Variants in JAK2 observed in about 807,000 individuals in gnomAD.
The protein encoded by JAK2 is tyrosine-protein kinase JAK2.
Under a neutral mutation model 139.3 loss-of-function variants are expected in JAK2, and 86 were observed. The ratio of observed to expected loss-of-function variants is 0.62; its 90% CI spans 0.52 to 0.74. JAK2 has a LOEUF of 0.74. Ranked by LOEUF, JAK2 falls within the 30% of genes least tolerant of loss-of-function variation. JAK2 has a pLI of 0.00. For missense variants in JAK2, 1,421 were observed against 1,360.3 expected (o/e 1.04, Z -0.70); for synonymous variants, 490 against 437.7 (o/e 1.12, Z -1.49).
chr9:5,111,370 C>G (rs1822512919), intron 22 of JAK2: 2 of 405,746 alleles, frequency 4.9e-6, no homozygotes, highest in Admixed American at 3.4e-5. Flanking sequence ...CCCTCCTACG[C>G]CAGCAGCTCT....
In JAK2 at chr9:5,072,561, G is replaced by C. The variant is rs139504737; in HGVS notation, c.1711G>C (p.Gly571Arg). 6.2e-7 allele frequency: 1 copy of C among 1,610,342 alleles called. No homozygotes were observed. The highest frequency in any genetic ancestry group is 8.5e-7 in the Non-Finnish European group (1 of 1,177,586). Residue 571 changes from glycine to arginine, a missense_variant, in exon 13 of 25, where the codon GGT (glycine) becomes CGT (arginine). Transcript: ENST00000381652. ...KGVRREVGDY[G>R]QLHETEVLLK... is the part of the protein sequence containing the mutation. ...CGTACGAAGAGAAGTAGGAGACTAC[G>C]GTCAACTGCATGAAACAGAAGTTCT...
chr9:5,114,480 C>T, intron 22 of JAK2: 1 of 465,944 alleles, frequency 2.1e-6, no homozygotes, highest in South Asian at 1.9e-5. Context: ...GATCAGCGGC[C>T]CATGTGCTCC....
chr9:4,993,996 G>A (rs1345289867), intron 2 of JAK2, among the ~76,000 whole-genome samples: 2 of 152,140 alleles, frequency 1.3e-5, no homozygotes, highest in African/African-American at 4.8e-5. Flanking sequence ...TCCTGTCTAG[G>A]GTTGGTTCCC....
chr9:5,052,015 G>C (rs1817448306), intron 6 of JAK2, among the ~76,000 whole-genome samples: 1 of 152,034 alleles, frequency 6.6e-6, no homozygotes, highest in South Asian at 2.1e-4. Context: ...TTGAATACTT[G>C]CTGTATGCCA....
intron 23 of JAK2, among the ~76,000 whole-genome samples, chr9:5,125,551 C>A (rs1464558433): frequency 1.3e-5 from 2 of 151,428 alleles, no homozygotes. Context: ...AAGTTATGAA[C>A]TATTTTAAAA....
At chr9:5,045,776 C>T (rs958218384) in intron 5 of JAK2, among the ~76,000 whole-genome samples, 10 of 152,118 alleles carry the variant, frequency 6.6e-5, no homozygotes, top group African/African-American at 2.4e-4. Flanking sequence ...GAATAATATT[C>T]CATTGCATAT....
At chr9:5,096,811 G>C (rs1821031544) in intron 22 of JAK2, 1 of 152,162 alleles carries the variant, frequency 6.6e-6, no homozygotes, top group African/African-American at 2.4e-5. Context: ...ACTCTGCTAG[G>C]AGATGACCAG....
Position 5,129,295 on chromosome 9 carries a change from A to ATTTTC in JAK2, c.*2509_*2513dup, listed in dbSNP as rs1224840404. Among the ~76,000 whole-genome samples, 1 of 151,854 alleles carries ATTTTC rather than the reference A, an allele frequency of 6.6e-6. No individual in the cohort carries two copies. Among genetic ancestry groups the ATTTTC allele is most frequent in the African/African-American group, 2.4e-5 (1 of 41,362 alleles). ...GTGATGTAGTAAATATTCAGAAGCG[A>ATTTTC]TTTTCTTTTGCATTTTTACCTAACC... is the stretch of plus-strand genomic sequence containing the variant. On this transcript the variant is annotated 3_prime_UTR_variant, in exon 25 of 25. Transcript: ENST00000381652.
chr9:5,077,181 T>C (rs1016167988), intron 14 of JAK2, among the ~76,000 whole-genome samples: 5 of 150,830 alleles, frequency 3.3e-5, no homozygotes, highest in Non-Finnish European at 7.4e-5. Context: ...TCAGTACTAA[T>C]ATATAAAGGT....
rs149966491 is a variant in JAK2, at chr9:4,992,766, A to G, written c.-26+6744A>G. On this transcript the variant is annotated intron_variant, in intron 2 of 24. Coordinates refer to ENST00000381652, the MANE Select transcript of JAK2 (RefSeq NM_004972.4). ...GCATACTTTACAAAATGGAAAAGGC[A>G]CAGGTTATCTGCAGTAGACATTCCT... 2.6e-5 allele frequency among the ~76,000 whole-genome samples: 4 copies of G among 152,340 alleles called. No homozygotes were observed. The East Asian group carries it at 7.7e-4, about 29-fold the overall frequency.
intron 10 of JAK2, 146 bp downstream of exon 10, chr9:5,066,935 T>G: frequency 2.6e-6 from 1 of 382,704 alleles, no homozygotes; most frequent in East Asian, 3.8e-5. Flanking sequence ...TCCTCAGAGA[T>G]TCTGTACAAA....
At chr9:5,109,426 T>G (rs1822252772) in intron 22 of JAK2, 1 of 152,146 alleles carries the variant, frequency 6.6e-6, no homozygotes, top group African/African-American at 2.4e-5. Flanking sequence ...TTCTCAACTT[T>G]TAAAGGATTG....
intron 3 of JAK2, among the ~76,000 whole-genome samples, chr9:5,026,388 GTTA>G (rs1457069268): frequency 6.6e-6 from 1 of 152,130 alleles, no homozygotes; most frequent in Non-Finnish European, 1.5e-5. Context: ...GCTAAATAAT[GTTA>G]TTATAAATAA....
At chr9:5,010,364 C>T (rs1821615361) in intron 2 of JAK2, among the ~76,000 whole-genome samples, 1 of 138,596 alleles carries the variant, frequency 7.2e-6, no homozygotes, top group African/African-American at 2.9e-5. Context: ...CGCTCTGTCG[C>T]CCAGGCTGGA....
rs1586686466 is a variant in JAK2 at position 5,041,121 on chromosome 9, C to T, written c.351-3282C>T. 12 of 876,228 alleles carry T rather than the reference C, an allele frequency of 1.4e-5. No homozygotes were observed. In the Admixed American group the frequency reaches 1.8e-4, roughly 13 times the overall value. The allele number at this position is 876,228 out of a possible 1,614,324, so 54.3% of individuals were successfully genotyped here. A position where few individuals can be genotyped will look rare whatever the true frequency, so the allele number is the denominator to read the frequency against. On this transcript the variant is annotated intron_variant, in intron 4 of 24. Transcript: ENST00000381652. ...ACCTGTTCGACCTTCACGCCCAAGACGGTGCTCCTGATCGCCATCCGGCTG... is the reference window on the plus strand; with the variant it reads ...ACCTGTTCGACCTTCACGCCCAAGATGGTGCTCCTGATCGCCATCCGGCTG...
chr9:5,064,001 C>T (rs1216564365), intron 8 of JAK2, among the ~76,000 whole-genome samples: 2 of 151,982 alleles, frequency 1.3e-5, no homozygotes, highest in Non-Finnish European at 1.5e-5. Flanking sequence ...ACTAAAAATA[C>T]AAAAATTAGC....
chr9:4,984,427 TTG>T (rs1283366316), upstream of JAK2: 1 of 152,278 alleles, frequency 6.6e-6, no homozygotes, highest in Non-Finnish European at 1.5e-5. Context: ...GCCGGTAAAG[TTG>T]TTTCTCCTCT....
intron 4 of JAK2, among the ~76,000 whole-genome samples, chr9:5,033,517 G>C (rs970895151): frequency 6.6e-6 from 1 of 152,174 alleles, no homozygotes. Context: ...ACAAAGGGAA[G>C]CCCATCAGAC....
At chr9:5,097,281 A>T in intron 22 of JAK2, 1 of 152,102 alleles carries the variant, frequency 6.6e-6, no homozygotes, top group Middle Eastern at 3.4e-3. Context: ...CATTACCACA[A>T]TATTAACTGA....
Sources: gnomAD v4.1 joint callset for allele counts (sites outside exome capture counted in the v4.1 genomes callset) on GRCh38, gnomAD v4.1.1 for gene constraint, MANE v1.5 for transcripts, NCBI Gene and HGNC (gene_info 2026-07-23, HGNC 2026-07-21) for gene names.